The following ADGRL2 variants were observed in gnomAD, a reference collection of about 807,000 sequenced individuals.
ADGRL2 encodes adhesion G protein-coupled receptor L2.
In ADGRL2, 44 loss-of-function variants were observed where a neutral mutation model predicts 157.4. The observed-to-expected ratio is 0.28, with a 90% CI of 0.22 to 0.36. The LOEUF (loss-of-function observed/expected upper bound fraction) is 0.36, where lower values mean the gene tolerates loss of function less well. Among genes scored for constraint, ADGRL2 ranks in the 10% least tolerant of loss-of-function variants. ADGRL2 has a pLI of 1.00. For missense variants in ADGRL2, 1,510 were observed against 1,768.9 expected (o/e 0.85, Z 2.63); for synonymous variants, 585 against 624.7 (o/e 0.94, Z 0.95).
At chr1:81,527,434 G>C (rs1043678687) in intron 2 of ADGRL2, among the ~76,000 whole-genome samples, 1 of 152,148 alleles carries the variant, frequency 6.6e-6, no homozygotes, top group Non-Finnish European at 1.5e-5. Context: ...GGTCGAAGTC[G>C]AGCACGGTGG....
upstream of ADGRL2, among the ~76,000 whole-genome samples, chr1:81,800,138 T>C (rs1007466097): frequency 6.6e-6 from 1 of 152,154 alleles, no homozygotes; most frequent in African/African-American, 2.4e-5. Flanking sequence ...GTGACTATAC[T>C]TGAGAGTAAA....
intron 10 of ADGRL2, among the ~76,000 whole-genome samples, chr1:81,953,452 A>G (rs1015935742): frequency 1.3e-5 from 2 of 152,186 alleles, no homozygotes; most frequent in African/African-American, 4.8e-5. Flanking sequence ...ATACTCTTAA[A>G]TAAAATAGGC....
chr1:81,612,201 C>G (rs1184750511), intron 3 of ADGRL2, among the ~76,000 whole-genome samples: 2 of 152,112 alleles, frequency 1.3e-5, no homozygotes, highest in African/African-American at 4.8e-5. Flanking sequence ...GATGGTGATG[C>G]AGCTGGCCCA....
chr1:81,695,193 C>T (rs866519785), upstream of ADGRL2, among the ~76,000 whole-genome samples: 10 of 151,840 alleles, frequency 6.6e-5, no homozygotes, highest in East Asian at 1.9e-4. Context: ...GATAACATAC[C>T]GTCCTTTAAT....
At chr1:81,424,618 C>G (rs2077179724) in intron 1 of ADGRL2, among the ~76,000 whole-genome samples, 1 of 152,164 alleles carries the variant, frequency 6.6e-6, no homozygotes, top group South Asian at 2.1e-4. Flanking sequence ...TTTCAAATAT[C>G]AATGAGGTTA....
intron 1 of ADGRL2, among the ~76,000 whole-genome samples, chr1:81,368,653 T>C (rs77367372): frequency 0.016 from 2,446 of 152,326 alleles, 65 homozygotes; most frequent in African/African-American, 0.055. Context: ...CTTCCAATCC[T>C]TAATGATTTC....
intron 2 of ADGRL2, among the ~76,000 whole-genome samples, chr1:81,897,818 A>C (rs1024973599): frequency 6.6e-6 from 1 of 152,192 alleles, no homozygotes; most frequent in Non-Finnish European, 1.5e-5. Flanking sequence ...TGTATTTCTT[A>C]GTGTAACACT....
At chr1:81,611,793 T>C (rs2081545926) in intron 3 of ADGRL2, among the ~76,000 whole-genome samples, 1 of 152,104 alleles carries the variant, frequency 6.6e-6, no homozygotes, top group South Asian at 2.1e-4. Context: ...CCAAATCTCA[T>C]CTCAAATTGT....
intron 3 of ADGRL2, among the ~76,000 whole-genome samples, chr1:81,664,860 A>T (rs1035391425): frequency 2.0e-5 from 3 of 152,116 alleles, no homozygotes; most frequent in African/African-American, 7.2e-5. Context: ...TTTTAGACTG[A>T]AACTGACTTA....
chr1:81,835,165 C>T (rs1037495144), intron 1 of ADGRL2, among the ~76,000 whole-genome samples: 2 of 152,142 alleles, frequency 1.3e-5, no homozygotes, highest in Admixed American at 1.3e-4. Context: ...AGCATGTGGG[C>T]AAGCTGCCTG....
intron 19 of ADGRL2, among the ~76,000 whole-genome samples, chr1:81,982,857 A>G (rs533083365): frequency 6.6e-6 from 1 of 152,106 alleles, no homozygotes; most frequent in Admixed American, 6.6e-5. Context: ...GGAAGGTATT[A>G]TTTGGATAAA....
intron 3 of ADGRL2, among the ~76,000 whole-genome samples, chr1:81,616,870 G>T (rs2081665267): frequency 6.6e-6 from 1 of 151,842 alleles, no homozygotes; most frequent in Non-Finnish European, 1.5e-5. Context: ...AGAGGCAAGG[G>T]TTTCGTCATT....
intron 1 of ADGRL2, among the ~76,000 whole-genome samples, chr1:81,389,847 C>A (rs918984853): frequency 6.6e-6 from 1 of 151,952 alleles, no homozygotes. Context: ...GAAACTACAT[C>A]GTAGAAACAT....
At chr1:81,783,186 C>T (rs148751592) in intron 2 of ADGRL2, among the ~76,000 whole-genome samples, 1 of 152,112 alleles carries the variant, frequency 6.6e-6, no homozygotes, top group East Asian at 1.9e-4. Context: ...TGCAGTGGTG[C>T]GATCTCAGCG....
intron 1 of ADGRL2, among the ~76,000 whole-genome samples, chr1:81,727,245 A>G (rs1288962987): frequency 6.6e-6 from 1 of 152,226 alleles, no homozygotes; most frequent in African/African-American, 2.4e-5. Flanking sequence ...GACCAAATTA[A>G]TACTGGTTTA....
chr1:81,379,308 G>A (rs2076304378), intron 1 of ADGRL2, among the ~76,000 whole-genome samples: 1 of 152,168 alleles, frequency 6.6e-6, no homozygotes, highest in African/African-American at 2.4e-5. Context: ...AGCGTCTGAG[G>A]GTGAATGTTT....
intron 3 of ADGRL2, among the ~76,000 whole-genome samples, chr1:81,682,655 G>T (rs1218647158): frequency 2.6e-5 from 4 of 152,122 alleles, no homozygotes; most frequent in Non-Finnish European, 5.9e-5. Context: ...CAGTCTCTTG[G>T]AATGGATGGA....
chr1:81,782,162 A>G (rs1187921364), intron 2 of ADGRL2, among the ~76,000 whole-genome samples: 1 of 152,240 alleles, frequency 6.6e-6, no homozygotes, highest in Non-Finnish European at 1.5e-5. Context: ...AAGCCCTGCC[A>G]GTGCCTACCA....
chr1:81,398,009 T>A (rs1056407282), intron 1 of ADGRL2, among the ~76,000 whole-genome samples: 4 of 152,174 alleles, frequency 2.6e-5, no homozygotes, highest in African/African-American at 9.7e-5. Context: ...TCGGGGTGCA[T>A]ATATTTTTGT....
Sources: gnomAD v4.1 joint callset for allele counts (sites outside exome capture counted in the v4.1 genomes callset) on GRCh38, gnomAD v4.1.1 for gene constraint, MANE v1.5 for transcripts, NCBI Gene and HGNC (gene_info 2026-07-23, HGNC 2026-07-21) for gene names.